The following ADGRG6 variants were observed in gnomAD, a reference collection of about 807,000 sequenced individuals.
ADGRG6 encodes the protein adhesion G protein-coupled receptor G6, also known as G-protein coupled receptor 126.
A neutral mutation model predicts 142.4 loss-of-function variants in ADGRG6; 84 were observed. The ratio of observed to expected loss-of-function variants is 0.59; its 90% CI spans 0.49 to 0.71. ADGRG6 has a LOEUF of 0.71. ADGRG6 is among the 30% of genes least tolerant of loss of function. ADGRG6 has a pLI of 0.00. For missense variants in ADGRG6, 1,367 were observed against 1,466.6 expected, an observed-to-expected ratio of 0.93 and a Z score of 1.11; for synonymous variants, 521 against 520.5, an observed-to-expected ratio of 1.00 and a Z score of -0.01.
chr6:142,344,111 A>G (rs973855449), intron 2 of ADGRG6, among the ~76,000 whole-genome samples: 3 of 151,926 alleles, frequency 2.0e-5, no homozygotes, highest in African/African-American at 4.8e-5. Flanking sequence ...ATGCTAATAC[A>G]TGATTTATTA....
intron 2 of ADGRG6, among the ~76,000 whole-genome samples, chr6:142,348,606 C>A (rs1397596384): frequency 1.3e-5 from 2 of 150,646 alleles, no homozygotes; most frequent in Non-Finnish European, 3.0e-5. Flanking sequence ...ATGAGCAAAG[C>A]AATATTTGAA....
intron 6 of ADGRG6, among the ~76,000 whole-genome samples, chr6:142,386,478 A>G (rs1468168405): frequency 3.3e-5 from 5 of 152,194 alleles, no homozygotes; most frequent in Non-Finnish European, 7.4e-5. Flanking sequence ...TGATTGCCCA[A>G]TTTTGGGTGA....
intron 2 of ADGRG6, among the ~76,000 whole-genome samples, chr6:142,317,801 T>A (rs1432186005): frequency 1.1e-5 from 1 of 89,578 alleles, no homozygotes; most frequent in Non-Finnish European, 2.0e-5. Context: ...ATATATATAT[T>A]ATATATATTT....
intron 21 of ADGRG6, 91 bp from the exon 22 acceptor site, chr6:142,419,730 C>A: frequency 1.1e-6 from 1 of 951,024 alleles, no homozygotes; most frequent in South Asian, 1.8e-5. Context: ...AGAGGAAAAT[C>A]TGCAGTAGCC....
chr6:142,422,726 T>C (rs1334082397), intron 22 of ADGRG6, among the ~76,000 whole-genome samples: 396 of 148,952 alleles, frequency 2.7e-3, no homozygotes, highest in Non-Finnish European at 4.4e-3. Flanking sequence ...TCTAGATCCC[T>C]GAGGAATCGC....
At chr6:142,433,730 T>C (rs1003567676) in intron 22 of ADGRG6, among the ~76,000 whole-genome samples, 1 of 152,218 alleles carries the variant, frequency 6.6e-6, no homozygotes, top group Non-Finnish European at 1.5e-5. Flanking sequence ...TTGAAATTGA[T>C]TGATATTTAT....
At chr6:142,393,766 C>A in intron 8 of ADGRG6, 130 bp from the exon 9 acceptor site, 1 of 638,204 alleles carries the variant, frequency 1.6e-6, no homozygotes, top group South Asian at 2.0e-5. Context: ...AAGCTAGAAC[C>A]TCAGGACACA....
At chr6:142,319,931 G>A (rs553255504) in intron 2 of ADGRG6, among the ~76,000 whole-genome samples, 8 of 151,974 alleles carry the variant, frequency 5.3e-5, no homozygotes, top group Admixed American at 3.9e-4. Context: ...AACAACTTAC[G>A]TTTTTGGTCA....
At position 142,402,048 on chromosome 6, in the gene ADGRG6, C is replaced by G; in HGVS notation, c.1734C>G (p.Ser578=). 6.5e-7 allele frequency: 1 copy of G among 1,533,634 alleles called. No individual in the cohort carries two copies. Among genetic ancestry groups the G allele is most frequent in the Non-Finnish European group, 9.0e-7 (1 of 1,115,176 alleles). ...CCTACTGGGGACCTGTTGATATCTC[C>G]AACTGTTTAAGTAAGTGAGCAGTTT... The part of the protein sequence containing the change: ...LVTYWGPVDI[S]NCLKEANEVA... The change falls in exon 12 of 25, where the codon TCC becomes TCG. Residue 578 remains serine (S), a synonymous_variant. Coordinates refer to ENST00000367609, the MANE Select transcript of ADGRG6 (RefSeq NM_198569.3).
At position 142,309,552 on chromosome 6, in the gene ADGRG6, G is replaced by A. The variant is rs777999553; in HGVS notation, c.11G>A (p.Arg4His). The A allele has an allele frequency of 1.2e-5, 19 of 1,606,426 alleles. No homozygotes were observed. In the Middle Eastern group the frequency reaches 6.6e-4, roughly 56 times the overall value. Residue 4 changes from arginine (R) to histidine (H), a missense_variant, in exon 2 of 25, where the codon CGC becomes CAC. Around this residue, in one of 3 missense-constraint regions of ADGRG6, gnomAD observed 737 missense variants for 746.5 expected, o/e 0.99. Coordinates refer to ENST00000367609, the MANE Select transcript of ADGRG6 (RefSeq NM_198569.3). MMF[R>H]SDRMWSCHWK... ...ATCTTCTTTCTTTGCAGGATGTTTC[G>A]CTCAGATCGAATGTGGAGCTGCCAT...
rs553801258 is a variant in ADGRG6, at chr6:142,401,991, T to C, written c.1680-3T>C. 38 of 1,419,792 alleles carry C rather than the reference T, an allele frequency of 2.7e-5. No homozygotes were observed. In the Admixed American group the frequency reaches 6.8e-4, roughly 25 times the overall value. The allele number at this position is 1,419,792 out of a possible 1,614,324, so 87.9% of individuals were successfully genotyped here. A position where few individuals can be genotyped will look rare whatever the true frequency, so the allele number is the denominator to read the frequency against. ...TATTTAAAATATCTATTTTGTTTCA[T>C]AGTTTTTACAATGCTACCAACCCAT... On this transcript the variant is annotated splice_region_variant and splice_polypyrimidine_tract_variant and intron_variant, in intron 11 of 24. Transcript: ENST00000367609.
intron 16 of ADGRG6, among the ~76,000 whole-genome samples, chr6:142,409,617 AATG>A (rs1433950536): frequency 6.6e-6 from 1 of 152,108 alleles, no homozygotes; most frequent in Non-Finnish European, 1.5e-5. Flanking sequence ...CAATATACTT[AATG>A]ATGGGACATT....
At chr6:142,420,383 G>A (rs1776603857) in intron 22 of ADGRG6, among the ~76,000 whole-genome samples, 1 of 152,136 alleles carries the variant, frequency 6.6e-6, no homozygotes. Context: ...TTTCATGAAT[G>A]AATATGGAGC....
intron 12 of ADGRG6, 115 bp downstream of exon 12, chr6:142,402,173 A>G (rs1235322737): frequency 1.8e-6 from 1 of 569,072 alleles, no homozygotes; most frequent in Admixed American, 3.4e-5. Context: ...TTTCATATTA[A>G]AAGGCAAATG....
Position 142,318,313 on chromosome 6 carries a change from ATATT to A in ADGRG6, c.103+8673_103+8676del, listed in dbSNP as rs1778326661. 4.4e-5 allele frequency among the ~76,000 whole-genome samples: 4 copies of A among 91,072 alleles called. No individual in the cohort carries two copies. The South Asian group carries it at 1.1e-3, about 24-fold the overall frequency. The allele number at this position is 91,072 out of a possible 152,430, so 59.7% of individuals were successfully genotyped here. Reference sequence around the variant, plus strand: ...TATATATTATATATATTTATATTATATATTTATATATTATATATATTTATATTAT... The same window carrying A: ...TATATATTATATATATTTATATTATATATATATTATATATATTTATATTAT... On this transcript the variant is annotated intron_variant, in intron 2 of 24. Transcript: ENST00000367609.
At chr6:142,317,470 A>T (rs1003799485) in intron 2 of ADGRG6, among the ~76,000 whole-genome samples, 21 of 151,546 alleles carry the variant, frequency 1.4e-4, no homozygotes, top group African/African-American at 4.9e-4. Context: ...GGTATCTTTA[A>T]TCAGAGTCCC....
chr6:142,379,611 C>CA (rs1781661497), intron 4 of ADGRG6, among the ~76,000 whole-genome samples: 1 of 151,950 alleles, frequency 6.6e-6, no homozygotes. Flanking sequence ...ACTAAAAATA[C>CA]AAAAAATTAG....
rs757709591 is a variant in ADGRG6 at position 142,302,332 on chromosome 6, G to GT, written c.2+2dup. 1.2e-6 allele frequency: 2 copies of GT among 1,612,862 alleles called. No homozygotes were observed. The highest frequency in any genetic ancestry group is 2.7e-5 in the African/African-American group (2 of 74,880). ...GACCTCGGCGCAGTAATGTCAACAT[G>GT]TAAGTCTCACCTTTCAGCTTGGAAT... On this transcript the variant is annotated splice_donor_variant, in intron 1 of 24. Coordinates refer to ENST00000367609, the MANE Select transcript of ADGRG6 (RefSeq NM_198569.3). LOFTEE classifies it high-confidence loss of function.
intron 22 of ADGRG6, among the ~76,000 whole-genome samples, chr6:142,423,305 C>T (rs1231899772): frequency 5.4e-5 from 8 of 147,272 alleles, no homozygotes; most frequent in Admixed American, 3.4e-4. Context: ...TTAGGTCTAA[C>T]GTTTAAATCT....
Sources: allele counts gnomAD v4.1 joint callset (sites outside exome capture counted in the v4.1 genomes callset), GRCh38; gene constraint gnomAD v4.1.1; regional missense constraint gnomAD v4.1.1; transcripts MANE v1.5; gene names NCBI Gene and HGNC (gene_info 2026-07-23, HGNC 2026-07-21).